LEKR1: variants seen among roughly 807,000 people sequenced by gnomAD.
LEKR1 encodes protein LEKR1.
Under a neutral mutation model 72.4 loss-of-function variants are expected in LEKR1, and 59 were observed. The ratio of observed to expected loss-of-function variants is 0.82; its 90% confidence interval spans 0.66 to 1.01. The LOEUF is 1.01. LEKR1 is among the 50% of genes least tolerant of loss of function. The pLI, the probability that LEKR1 is intolerant of heterozygous loss-of-function variation, is 0.00. For synonymous variants in LEKR1, 257 were observed against 263.2 expected (o/e 0.98, Z 0.23); for missense variants, 728 against 759.2 (o/e 0.96, Z 0.48).
intron 7 of LEKR1, among the ~76,000 whole-genome samples, chr3:156,989,770 C>G (rs77744193): frequency 2.0e-5 from 3 of 151,986 alleles, no homozygotes; most frequent in Non-Finnish European, 4.4e-5. Flanking sequence ...TGCTTTCTCT[C>G]TCTCTCTCCC....
intron 10 of LEKR1, 129 bp from the exon 11 acceptor site, chr3:157,024,631 G>A (rs970709706): frequency 8.4e-5 from 65 of 769,800 alleles, no homozygotes; most frequent in Admixed American, 1.4e-4. Flanking sequence ...TTGAACACTA[G>A]AATTTTTAAA....
chr3:156,904,075 A>G (rs1722293289), intron 3 of LEKR1, among the ~76,000 whole-genome samples: 1 of 152,218 alleles, frequency 6.6e-6, no homozygotes, highest in Non-Finnish European at 1.5e-5. Context: ...GGGATTTTAT[A>G]TGCTTTTCTA....
chr3:156,876,740 C>A (rs1283949814), intron 3 of LEKR1, among the ~76,000 whole-genome samples: 1 of 151,788 alleles, frequency 6.6e-6, no homozygotes, highest in African/African-American at 2.4e-5. Flanking sequence ...TTAGGGTTTT[C>A]TAGGTATACA....
chr3:157,020,745 G>T (rs1339886773), intron 10 of LEKR1, among the ~76,000 whole-genome samples: 1 of 152,032 alleles, frequency 6.6e-6, no homozygotes. Context: ...ACATACGTGT[G>T]CATGTGTCTT....
intron 2 of LEKR1, among the ~76,000 whole-genome samples, chr3:156,840,817 A>G (rs748316732): frequency 6.6e-6 from 1 of 152,236 alleles, no homozygotes; most frequent in Non-Finnish European, 1.5e-5. Context: ...TAAAAGAGTA[A>G]GCACAGAGAG....
chr3:156,857,502 A>T (rs1716217455), intron 3 of LEKR1, among the ~76,000 whole-genome samples: 1 of 152,178 alleles, frequency 6.6e-6, no homozygotes, highest in Non-Finnish European at 1.5e-5. Flanking sequence ...TTATCTTTGG[A>T]TAAAAGCATT....
At chr3:157,028,494 A>G in intron 12 of LEKR1, 92 bp downstream of exon 12, 4 of 1,072,368 alleles carry the variant, frequency 3.7e-6, no homozygotes, top group Non-Finnish European at 5.4e-6. Flanking sequence ...GCTTAGTTTC[A>G]TGGAAAGAGT....
chr3:156,871,564 G>C (rs952084118), intron 3 of LEKR1, among the ~76,000 whole-genome samples: 22 of 152,232 alleles, frequency 1.4e-4, no homozygotes, highest in South Asian at 4.1e-4. Context: ...CTAGTTTACA[G>C]TCCCACCAAC....
At chr3:157,000,959 T>TC (rs1205979355) in intron 9 of LEKR1, among the ~76,000 whole-genome samples, 2 of 152,102 alleles carry the variant, frequency 1.3e-5, no homozygotes, top group African/African-American at 4.8e-5. Context: ...AAGGGGCTCT[T>TC]CCCCCCTTTT....
intron 9 of LEKR1, among the ~76,000 whole-genome samples, chr3:157,009,124 C>T (rs1356331193): frequency 6.6e-6 from 1 of 151,992 alleles, no homozygotes; most frequent in East Asian, 1.9e-4. Context: ...TATTACAGTG[C>T]TATTCTATAG....
intron 12 of LEKR1, among the ~76,000 whole-genome samples, chr3:157,033,669 A>T (rs1734775313): frequency 6.6e-6 from 1 of 152,198 alleles, no homozygotes; most frequent in African/African-American, 2.4e-5. Flanking sequence ...AAGCTGTGGT[A>T]AGTTATCCAG....
At chr3:156,838,770 A>G (rs1713496090) in intron 2 of LEKR1, among the ~76,000 whole-genome samples, 1 of 152,102 alleles carries the variant, frequency 6.6e-6, no homozygotes, top group African/African-American at 2.4e-5. Context: ...TCCAATTCCA[A>G]CATACTGGTG....
chr3:156,874,413 C>T (rs1718321537), intron 3 of LEKR1, among the ~76,000 whole-genome samples: 1 of 152,092 alleles, frequency 6.6e-6, no homozygotes, highest in African/African-American at 2.4e-5. Context: ...TATACTACCT[C>T]TGACCATTTT....
chr3:156,944,636 AT>A (rs1286835436), intron 6 of LEKR1, among the ~76,000 whole-genome samples: 4 of 151,638 alleles, frequency 2.6e-5, no homozygotes, highest in African/African-American at 9.7e-5. Context: ...AACTGTTTTA[AT>A]TTTTTGTAGT....
chr3:156,976,311 T>C (rs997250394), intron 6 of LEKR1, among the ~76,000 whole-genome samples: 4 of 152,210 alleles, frequency 2.6e-5, no homozygotes, highest in Admixed American at 6.5e-5. Flanking sequence ...TAAGTCTTCC[T>C]TTTAATTTAT....
At chr3:156,963,717 G>T (rs1012011751) in intron 6 of LEKR1, among the ~76,000 whole-genome samples, 2 of 152,062 alleles carry the variant, frequency 1.3e-5, no homozygotes, top group Non-Finnish European at 2.9e-5. Flanking sequence ...ACCCTCCTGG[G>T]TTAAGCACTT....
At chr3:156,967,359 A>G (rs1321973359) in intron 6 of LEKR1, among the ~76,000 whole-genome samples, 1 of 152,224 alleles carries the variant, frequency 6.6e-6, no homozygotes, top group Non-Finnish European at 1.5e-5. Flanking sequence ...CCCATGGCAA[A>G]GAAGTTAAAA....
chr3:156,826,448 C>G (rs2108525507), intron 1 of LEKR1, 72 bp downstream of exon 1: 2 of 153,806 alleles, frequency 1.3e-5, no homozygotes, highest in South Asian at 4.1e-4. Flanking sequence ...TGGAGGCGTG[C>G]TCGCACCCGG....
intron 12 of LEKR1, among the ~76,000 whole-genome samples, chr3:157,033,847 C>T (rs1734788409): frequency 6.6e-6 from 1 of 152,142 alleles, no homozygotes; most frequent in African/African-American, 2.4e-5. Flanking sequence ...GTCTAATTCT[C>T]TCATTAGGAG....
Sources: allele counts gnomAD v4.1 joint callset (sites outside exome capture counted in the v4.1 genomes callset), GRCh38; gene constraint gnomAD v4.1.1; transcripts MANE v1.5; gene names NCBI Gene and HGNC (gene_info 2026-07-23, HGNC 2026-07-21).